CUX1: variants seen among roughly 807,000 people sequenced by gnomAD.
CUX1 encodes the protein protein CASP.
Under a neutral mutation model 158.8 loss-of-function variants are expected in CUX1, and 31 were observed. That is an observed-to-expected ratio of 0.20 (90% CI 0.15 to 0.26). CUX1 has a LOEUF of 0.26. Ranked by LOEUF, CUX1 falls within the 10% of genes least tolerant of loss-of-function variation. The pLI is 1.00. For synonymous variants in CUX1, 879 were observed against 862.1 expected, an observed-to-expected ratio of 1.02 and a Z score of -0.34; for missense variants, 1,589 against 2,014.6, an observed-to-expected ratio of 0.79 and a Z score of 4.04.
At chr7:102,278,634 TAAAATAAAATAAAATAAAATAAA>T (rs1312055193) in intron 18 of CUX1, among the ~76,000 whole-genome samples, 4 of 64,022 alleles carry the variant, frequency 6.2e-5, no homozygotes, top group Admixed American at 3.4e-4. Flanking sequence ...AAAATTAAAA[TAAAATAAAATAAAATAAAATAAA>T]AAAATAAAAT....
intron 8 of CUX1, among the ~76,000 whole-genome samples, chr7:102,132,304 T>TGC (rs1274064741): frequency 4.8e-4 from 3 of 6,280 alleles, no homozygotes; most frequent in South Asian, 9.4e-3. Context: ...TGTGTGTGTG[T>TGC]GTGTGCGCGC....
At chr7:101,848,051 C>CAAAAAAAA (rs57428019) in intron 1 of CUX1, among the ~76,000 whole-genome samples, 70 of 65,366 alleles carry the variant, frequency 1.1e-3, no homozygotes, top group African/African-American at 3.6e-3. Flanking sequence ...GAGCAAGACT[C>CAAAAAAAA]AAAAAAAAAA....
intron 20 of CUX1, among the ~76,000 whole-genome samples, chr7:102,210,653 C>A (rs1295217753): frequency 1.3e-5 from 2 of 152,186 alleles, no homozygotes; most frequent in Non-Finnish European, 2.9e-5. Context: ...TCGTGAAATA[C>A]CCAGCTCTTT....
chr7:101,901,933 G>A (rs1223901531), intron 1 of CUX1, among the ~76,000 whole-genome samples: 3 of 152,258 alleles, frequency 2.0e-5, no homozygotes, highest in Non-Finnish European at 4.4e-5. Context: ...GGCTCTGAAA[G>A]CATTCAAATT....
In CUX1 at chr7:102,255,424, A is replaced by G. The variant is rs2132692102; in HGVS notation, c.*6382A>G. ...GACAAAAAAAAAAGGCTGGCGAGAG[A>G]AAGACATTTGGCTATGCATAAATGT... On this transcript the variant is annotated 3_prime_UTR_variant, in exon 24 of 24. Coordinates refer to ENST00000292535, the MANE Select transcript of CUX1 (RefSeq NM_181552.4). 1.0e-6 allele frequency: 1 copy of G among 984,752 alleles called. No homozygotes were observed. Among genetic ancestry groups the G allele is most frequent in the Admixed American group, 6.2e-5 (1 of 16,234 alleles). The allele number at this position is 984,752 out of a possible 1,614,324, so 61.0% of individuals were successfully genotyped here.
At chr7:102,076,294 A>T (rs1376589375) in intron 4 of CUX1, among the ~76,000 whole-genome samples, 3 of 151,940 alleles carry the variant, frequency 2.0e-5, no homozygotes, top group African/African-American at 7.3e-5. Context: ...CTGTGGCAGG[A>T]CAGTCGGTTG....
downstream of CUX1, among the ~76,000 whole-genome samples, chr7:102,263,207 G>T (rs1247419791): frequency 2.0e-5 from 3 of 149,366 alleles, no homozygotes; most frequent in Admixed American, 1.4e-4. Context: ...AGAGACAGGG[G>T]TTTCACCACA....
chr7:102,141,718 G>A (rs574261761), intron 8 of CUX1, among the ~76,000 whole-genome samples: 1 of 151,598 alleles, frequency 6.6e-6, no homozygotes, highest in East Asian at 1.9e-4. Flanking sequence ...TGCCTCCCGG[G>A]TTCAAGCAAT....
intron 10 of CUX1, among the ~76,000 whole-genome samples, chr7:102,176,670 C>T (rs1420760897): frequency 1.4e-5 from 2 of 143,792 alleles, no homozygotes; most frequent in African/African-American, 5.2e-5. Context: ...TCCTCAAGCT[C>T]AAGCAATCCT....
chr7:102,053,099 C>T (rs1211121966), intron 3 of CUX1, among the ~76,000 whole-genome samples: 3 of 152,292 alleles, frequency 2.0e-5, no homozygotes, highest in Middle Eastern at 3.4e-3. Flanking sequence ...CGTGAGCCAC[C>T]GCAGCCGGCC....
At chr7:102,112,273 G>A (rs1458467945) in intron 7 of CUX1, among the ~76,000 whole-genome samples, 6 of 130,332 alleles carry the variant, frequency 4.6e-5, no homozygotes, top group African/African-American at 9.2e-5. Context: ...ACGGAGTCTC[G>A]CTCTGTCACC....
intron 2 of CUX1, among the ~76,000 whole-genome samples, chr7:102,001,005 T>C (rs1470579437): frequency 1.3e-5 from 2 of 151,946 alleles, no homozygotes; most frequent in Non-Finnish European, 2.9e-5. Context: ...CTTGAACTCA[T>C]GGGCCTCAAG....
intron 10 of CUX1, 37 bp from the exon 11 acceptor site, chr7:102,178,432 G>A (rs782462953): frequency 6.4e-7 from 1 of 1,557,172 alleles, no homozygotes; most frequent in Non-Finnish European, 8.7e-7. Flanking sequence ...CCGCCTCAAG[G>A]CCAGCGCAGT....
chr7:102,110,243 A>G (rs1830742167), intron 6 of CUX1, among the ~76,000 whole-genome samples: 1 of 152,212 alleles, frequency 6.6e-6, no homozygotes, highest in South Asian at 2.1e-4. Flanking sequence ...ATGCTATAGT[A>G]TATTTCATTC....
chr7:101,991,279 G>A (rs1815086889), intron 2 of CUX1, among the ~76,000 whole-genome samples: 2 of 152,240 alleles, frequency 1.3e-5, no homozygotes, highest in Admixed American at 1.3e-4. Context: ...GGGCAGCATA[G>A]CGGATGAGTT....
At chr7:102,076,203 G>T (rs1826698864) in intron 4 of CUX1, among the ~76,000 whole-genome samples, 1 of 152,104 alleles carries the variant, frequency 6.6e-6, no homozygotes, top group African/African-American at 2.4e-5. Context: ...GCCACATGGT[G>T]AAACCTCGTC....
chr7:102,087,253 A>G (rs1319817021), intron 4 of CUX1, among the ~76,000 whole-genome samples: 3 of 152,172 alleles, frequency 2.0e-5, no homozygotes, highest in African/African-American at 7.2e-5. Context: ...TTATCTTATT[A>G]GCTATAACTC....
At chr7:101,948,655 C>T (rs1429646880) in intron 2 of CUX1, among the ~76,000 whole-genome samples, 1 of 152,182 alleles carries the variant, frequency 6.6e-6, no homozygotes, top group East Asian at 1.9e-4. Flanking sequence ...CCAGGGGCTA[C>T]TGGTTGGTGG....
At chr7:102,061,677 C>T (rs1824894819) in intron 3 of CUX1, among the ~76,000 whole-genome samples, 1 of 152,194 alleles carries the variant, frequency 6.6e-6, no homozygotes, top group Admixed American at 6.5e-5. Context: ...ACTTGCCTAC[C>T]ACATGGGCAT....
Sources: gnomAD v4.1 joint callset for allele counts (sites outside exome capture counted in the v4.1 genomes callset) on GRCh38, gnomAD v4.1.1 for gene constraint, MANE v1.5 for transcripts, NCBI Gene and HGNC (gene_info 2026-07-23, HGNC 2026-07-21) for gene names.